Variants in EDARADD observed in about 807,000 individuals in gnomAD.
EDARADD encodes the protein EDAR associated via death domain.
Under a neutral mutation model 25.6 loss-of-function variants are expected in EDARADD, and 20 were observed. That is an observed-to-expected ratio of 0.78 (90% CI 0.55 to 1.14). The LOEUF is 1.14. Among genes scored for constraint, EDARADD ranks in the 50% most tolerant of loss-of-function variants. The pLI, the probability that EDARADD is intolerant of heterozygous loss-of-function variation, is 0.00. For missense variants in EDARADD, 225 were observed against 270.1 expected (o/e 0.83, Z 1.17); for synonymous variants, 86 against 94.4 (o/e 0.91, Z 0.52).
rs147339208 is a variant in EDARADD, at chr1:236,417,175, G to A, written c.160+2876G>A. ...TGTTTTCAGGGAAAGAAAAATCCAC[G>A]TGAATTAACGAAGAGACTGATTTAT... On this transcript the variant is annotated intron_variant, in intron 3 of 5. Transcript: ENST00000334232. 3.0e-3 allele frequency among the ~76,000 whole-genome samples: 458 copies of A among 152,216 alleles called. 2 individuals carry two copies. Among genetic ancestry groups the A allele is most frequent in the African/African-American group, 9.5e-3 (396 of 41,542 alleles).
chr1:236,463,718 C>A (rs953697001), intron 4 of EDARADD, among the ~76,000 whole-genome samples: 1 of 152,184 alleles, frequency 6.6e-6, no homozygotes, highest in African/African-American at 2.4e-5. Flanking sequence ...ACCCATTGAA[C>A]GGTAACTCCC....
intron 1 of EDARADD, 74 bp downstream of exon 1, chr1:236,394,579 A>G (rs1318941055): frequency 7.4e-7 from 1 of 1,359,466 alleles, no homozygotes; most frequent in South Asian, 1.3e-5. Context: ...ATTTACGATA[A>G]TTCTTGGATA....
chr1:236,409,071 A>T, intron 1 of EDARADD, 145 bp from the exon 2 acceptor site: 1 of 385,826 alleles, frequency 2.6e-6, no homozygotes, highest in Non-Finnish European at 4.6e-6. Context: ...TATTTCTTAA[A>T]AAAAAAAAAA....
chr1:236,425,866 T>G (rs754116815), intron 3 of EDARADD, among the ~76,000 whole-genome samples: 3 of 152,246 alleles, frequency 2.0e-5, no homozygotes, highest in Non-Finnish European at 4.4e-5. Context: ...TTAGTGAAGT[T>G]GGTTAGCCGA....
At chr1:236,471,768 G>A (rs928872466) in intron 5 of EDARADD, among the ~76,000 whole-genome samples, 6 of 152,110 alleles carry the variant, frequency 3.9e-5, no homozygotes, top group East Asian at 1.9e-4. Context: ...AAACACTCCC[G>A]TGGCAATCAC....
chr1:236,395,654 C>A lies in EDARADD; in HGVS notation c.61+1149C>A. 1 of 1,575,880 alleles carries A rather than the reference C, an allele frequency of 6.3e-7. No individual in the cohort carries two copies. The highest frequency in any genetic ancestry group is 8.6e-7 in the Non-Finnish European group (1 of 1,163,616). On this transcript the variant is annotated intron_variant, in intron 1 of 5. Coordinates refer to ENST00000334232, the MANE Select transcript of EDARADD (RefSeq NM_145861.4). This position sits in a 1 kb window ranked among gnomAD's most constrained non-coding sequence, Gnocchi z 6.9. ...CATGGCTTCACCGGACGACCCTCTG[C>A]GCGCAGGTAAAGGGACACAGCGCCG...
chr1:236,460,528 A>T (rs933865025), intron 4 of EDARADD, among the ~76,000 whole-genome samples: 1 of 152,174 alleles, frequency 6.6e-6, no homozygotes, highest in African/African-American at 2.4e-5. Flanking sequence ...ATACTGTCAA[A>T]TAATAGATAT....
In EDARADD at chr1:236,398,302, T is replaced by C. The variant is rs1309023380; in HGVS notation, c.61+3797T>C. Among the ~76,000 whole-genome samples, 2 of 152,088 alleles carry C rather than the reference T, an allele frequency of 1.3e-5. No individual in the cohort carries two copies. The highest frequency in any genetic ancestry group is 1.3e-4 in the Admixed American group (2 of 15,262). ...ACCACACCTGGCTAATTTTTTGTAT[T>C]TTTAGGCTGGTCTCGAACTCCTGAC... On this transcript the variant is annotated intron_variant, in intron 1 of 5. Coordinates refer to ENST00000334232, the MANE Select transcript of EDARADD (RefSeq NM_145861.4). This position sits in a 1 kb window ranked among gnomAD's most constrained non-coding sequence, Gnocchi z 4.1.
At chr1:236,439,525 G>A (rs1017922288) in intron 4 of EDARADD, among the ~76,000 whole-genome samples, 1 of 152,174 alleles carries the variant, frequency 6.6e-6, no homozygotes, top group African/African-American at 2.4e-5. Context: ...TATTGTCAGT[G>A]TTCTGGATTT....
chr1:236,381,315 A>C (rs1307296285), intron 3 of EDARADD, among the ~76,000 whole-genome samples: 2 of 151,468 alleles, frequency 1.3e-5, no homozygotes, highest in Non-Finnish European at 2.9e-5. Flanking sequence ...TTTTATTTTT[A>C]TTTTATTTTA....
At position 236,484,336 on chromosome 1, in the gene EDARADD, G is replaced by A. The variant is rs1181697009; in HGVS notation, c.*1687G>A. 1.4e-5 allele frequency: 19 copies of A among 1,356,462 alleles called. No homozygotes were observed. The highest frequency in any genetic ancestry group is 3.7e-4 in the Middle Eastern group (2 of 5,468). 84.0% of individuals were successfully genotyped at this position (1,356,462 alleles called of 1,614,324 possible). ...GACCTGGTGGTGGGGCTGTGACCTG[G>A]GCAGCTCAAGACTGGTGCCCCTTGC... On this transcript the variant is annotated 3_prime_UTR_variant, in exon 6 of 6. Coordinates refer to ENST00000334232, the MANE Select transcript of EDARADD (RefSeq NM_145861.4). The surrounding 1 kb of genome is among the most constrained non-coding windows in gnomAD (Gnocchi z 4.1).
intron 3 of EDARADD, chr1:236,350,854 G>C (rs897168762): frequency 6.6e-6 from 1 of 152,168 alleles, no homozygotes; most frequent in South Asian, 2.1e-4. Flanking sequence ...TTTTGTTCCT[G>C]ACTAGCTGCC....
chr1:236,371,543 G>T (rs1330589207), intron 3 of EDARADD, among the ~76,000 whole-genome samples: 1 of 151,710 alleles, frequency 6.6e-6, no homozygotes, highest in Non-Finnish European at 1.5e-5. Flanking sequence ...CACTATTAAT[G>T]GATGTTGGCT....
At chr1:236,396,871 C>T (rs1667524139) in intron 1 of EDARADD, among the ~76,000 whole-genome samples, 1 of 150,732 alleles carries the variant, frequency 6.6e-6, no homozygotes, top group South Asian at 2.1e-4. Context: ...CCCTAGCATC[C>T]ACCTCCTTTT....
intron 1 of EDARADD, among the ~76,000 whole-genome samples, chr1:236,396,119 C>G (rs1667511466): frequency 6.6e-6 from 1 of 152,212 alleles, no homozygotes; most frequent in South Asian, 2.1e-4. Flanking sequence ...ATGGTTTTGT[C>G]TGTCTAAACA....
At chr1:236,348,449 T>A (rs1666877289) in intron 1 of EDARADD, among the ~76,000 whole-genome samples, 4 of 152,180 alleles carry the variant, frequency 2.6e-5, no homozygotes. Context: ...CTGGGCGCGC[T>A]CTTCTTGGCC....
At chr1:236,429,159 G>A (rs1318578225) in intron 4 of EDARADD, among the ~76,000 whole-genome samples, 1 of 151,758 alleles carries the variant, frequency 6.6e-6, no homozygotes, top group Non-Finnish European at 1.5e-5. Context: ...GTCCAGCCTC[G>A]GCTCGGCATC....
chr1:236,390,957 T>C (rs1208586773), upstream of EDARADD, among the ~76,000 whole-genome samples: 2 of 151,080 alleles, frequency 1.3e-5, no homozygotes, highest in Non-Finnish European at 1.5e-5. Flanking sequence ...ATTATTATTA[T>C]TATTTTTTGA....
intron 5 of EDARADD, among the ~76,000 whole-genome samples, chr1:236,469,514 C>T (rs1659303895): frequency 6.6e-6 from 1 of 151,776 alleles, no homozygotes; most frequent in Non-Finnish European, 1.5e-5. Flanking sequence ...AATAATAAAA[C>T]ATACCTCACC....
Sources: allele counts gnomAD v4.1 joint callset (sites outside exome capture counted in the v4.1 genomes callset), GRCh38; gene constraint gnomAD v4.1.1; non-coding constraint Gnocchi (gnomAD v3.1); transcripts MANE v1.5; gene names NCBI Gene and HGNC (gene_info 2026-07-23, HGNC 2026-07-21).